Variants in SLCO1A2 observed in about 807,000 individuals in gnomAD.
SLCO1A2 encodes the protein OATP-1.
SLCO1A2 carries 67 observed loss-of-function variants against 69.0 expected under a neutral mutation model. That is an observed-to-expected ratio of 0.97 (90% confidence interval 0.80 to 1.19). SLCO1A2 has a LOEUF of 1.19. Ranked by LOEUF, SLCO1A2 falls within the 50% of genes most tolerant of loss-of-function variation. The pLI is 0.00. For synonymous variants in SLCO1A2, 260 were observed against 265.9 expected (o/e 0.98, Z 0.22); for missense variants, 787 against 793.7 (o/e 0.99, Z 0.10).
At chr12:21,398,781 T>G (rs1941574862), upstream of SLCO1A2, among the ~76,000 whole-genome samples, 1 of 149,984 alleles carries the variant, frequency 6.7e-6, no homozygotes. Context: ...AACCACATGA[T>G]TATCTCAATA....
intron 12 of SLCO1A2, among the ~76,000 whole-genome samples, chr12:21,283,444 A>G (rs1434218945): frequency 6.6e-6 from 1 of 152,176 alleles, no homozygotes; most frequent in Non-Finnish European, 1.5e-5. Flanking sequence ...ACTTAAATCT[A>G]AGACCTCCAA....
At chr12:21,295,065 T>C (rs1947497260) in intron 10 of SLCO1A2, 1 of 152,150 alleles carries the variant, frequency 6.6e-6, no homozygotes, top group Admixed American at 6.6e-5. Flanking sequence ...CCAGATAACC[T>C]TTAAAATACA....
At chr12:21,306,465 A>G (rs1043350889) in intron 5 of SLCO1A2, among the ~76,000 whole-genome samples, 11 of 152,038 alleles carry the variant, frequency 7.2e-5, no homozygotes, top group African/African-American at 2.7e-4. Context: ...AGCTGGGATT[A>G]CAGGTGCCCG....
intron 8 of SLCO1A2, among the ~76,000 whole-genome samples, chr12:21,299,772 ATATATATATAT>A (rs1419309693): frequency 1.1e-5 from 1 of 91,328 alleles, no homozygotes; most frequent in African/African-American, 5.3e-5. Context: ...ATACGTGTGT[ATATATATATAT>A]ATATATACAC....
At position 21,318,921 on chromosome 12, in the gene SLCO1A2, C is replaced by T. The variant is rs368242064; in HGVS notation, c.63G>A (p.Met21Ile). The T allele has an allele frequency of 2.2e-5, 34 of 1,572,902 alleles. 1 individual carries two copies. In the East Asian group the frequency reaches 2.3e-4, roughly 10 times the overall value. ...HRIRCLSKLK[M>I]FLLAITCAFV... ...ATGCACATGTTATTGCCAACAGAAACATCTAGGAAAAAAATATAAGAAAAC... is the reference window on the plus strand; with the variant it reads ...ATGCACATGTTATTGCCAACAGAAATATCTAGGAAAAAAATATAAGAAAAC... The change falls in exon 3 of 15, where the codon ATG (methionine) becomes ATA (isoleucine). Residue 21 changes from methionine (M) to isoleucine (I), a missense_variant and splice_region_variant. By Grantham distance (10) the Met-to-Ile change is conservative. Coordinates refer to ENST00000683939, the MANE Select transcript of SLCO1A2 (RefSeq NM_001386879.1).
chr12:21,301,174 T>A lies in SLCO1A2; in HGVS notation c.685A>T (p.Thr229Ser), dbSNP rs763963582. 1 of 1,605,510 alleles carries A rather than the reference T, an allele frequency of 6.2e-7. No individual in the cohort carries two copies. The highest frequency in any genetic ancestry group is 1.1e-5 in the South Asian group (1 of 90,714). ...CAAATAGATTTTATTGAATTACCTG[T>A]GTTCACAAATCCAGTGTCAACATAA... is the stretch of plus-strand genomic sequence containing the variant. ...NVYVDTGFVN[T>S]DDLIITPTDT... Residue 229 changes from threonine to serine, a missense_variant, in exon 7 of 15, where the codon ACA (threonine) becomes TCA (serine). By Grantham distance (58) the Thr-to-Ser change is moderately conservative. Coordinates refer to ENST00000683939, the MANE Select transcript of SLCO1A2 (RefSeq NM_001386879.1).
chr12:21,305,108 G>C (rs1048589939), intron 5 of SLCO1A2, among the ~76,000 whole-genome samples: 1 of 152,142 alleles, frequency 6.6e-6, no homozygotes, highest in African/African-American at 2.4e-5. Flanking sequence ...ATATTTAATT[G>C]GGTAATCATC....
At chr12:21,372,517 G>C (rs180959982) in intron 2 of SLCO1A2, among the ~76,000 whole-genome samples, 111 of 152,188 alleles carry the variant, frequency 7.3e-4, no homozygotes, top group African/African-American at 2.6e-3. Flanking sequence ...CAGCCATTGA[G>C]GTCACTTGGG....
At chr12:21,272,225 GAT>G (rs1445239431) in intron 14 of SLCO1A2, among the ~76,000 whole-genome samples, 10 of 151,572 alleles carry the variant, frequency 6.6e-5, no homozygotes, top group African/African-American at 2.4e-4. Flanking sequence ...TGTAGAAATA[GAT>G]ATAGATGTAT....
intron 12 of SLCO1A2, among the ~76,000 whole-genome samples, chr12:21,289,176 G>T (rs1266149658): frequency 7.2e-6 from 1 of 139,028 alleles, no homozygotes; most frequent in East Asian, 2.2e-4. Context: ...GATGGTAATG[G>T]TACCATTCTG....
At chr12:21,314,466 C>A (rs1180200348) in intron 4 of SLCO1A2, 83 bp downstream of exon 4, 6 of 1,445,590 alleles carry the variant, frequency 4.2e-6, no homozygotes, top group South Asian at 1.2e-5. Context: ...TGTTGGAAAG[C>A]ATTGCTCCTA....
intron 2 of SLCO1A2, among the ~76,000 whole-genome samples, chr12:21,346,515 T>C (rs1198404893): frequency 2.0e-5 from 3 of 151,608 alleles, no homozygotes; most frequent in South Asian, 2.1e-4. Context: ...TTAGAAGATA[T>C]GTTAGCAAAA....
rs1948541612 is a variant in SLCO1A2, at chr12:21,300,288, C to T, written c.910+60G>A. 1.7e-5 allele frequency: 21 copies of T among 1,225,880 alleles called. No homozygotes were observed. In the South Asian group the frequency reaches 3.0e-4, roughly 18 times the overall value. The allele number at this position is 1,225,880 out of a possible 1,614,324, so 75.9% of individuals were successfully genotyped here. On this transcript the variant is annotated intron_variant, in intron 8 of 14. Coordinates refer to ENST00000683939, the MANE Select transcript of SLCO1A2 (RefSeq NM_001386879.1). ...CATATCATAGTGTTAGACTAAAATA[C>T]AGACATATCTATATGAAATAAAAGG... is the stretch of plus-strand genomic sequence containing the variant.
At chr12:21,351,072 T>C (rs781035514) in intron 2 of SLCO1A2, among the ~76,000 whole-genome samples, 5 of 152,146 alleles carry the variant, frequency 3.3e-5, no homozygotes, top group African/African-American at 4.8e-5. Context: ...TGTCAGTCTC[T>C]AAAGCCCTGG....
At chr12:21,384,769 CTTT>C (rs762328144) in intron 1 of SLCO1A2, among the ~76,000 whole-genome samples, 5 of 131,004 alleles carry the variant, frequency 3.8e-5, no homozygotes, top group Non-Finnish European at 3.4e-5. Context: ...GTTTTTTTTT[CTTT>C]TTTTTTTTTT....
At chr12:21,391,559 C>T (rs1407596506) in intron 1 of SLCO1A2, among the ~76,000 whole-genome samples, 1 of 152,126 alleles carries the variant, frequency 6.6e-6, no homozygotes, top group African/African-American at 2.4e-5. Flanking sequence ...GGAATATTTA[C>T]ATTTGAAAAG....
At chr12:21,386,035 G>A (rs1035382541) in intron 1 of SLCO1A2, among the ~76,000 whole-genome samples, 2 of 152,160 alleles carry the variant, frequency 1.3e-5, no homozygotes, top group Non-Finnish European at 2.9e-5. Flanking sequence ...GCTATGCCAA[G>A]AGATATTGTC....
Position 21,269,431 on chromosome 12 carries a change from G to GT in SLCO1A2, c.*116dup, listed in dbSNP as rs1480815368. On this transcript the variant is annotated 3_prime_UTR_variant, in exon 15 of 15. Transcript: ENST00000683939. ...ACATTTTATTATTTTGAGTTAAGAGGTTTTTTAGGTTCTTAAAGACAAGAA... is the reference window on the plus strand; with the variant it reads ...ACATTTTATTATTTTGAGTTAAGAGGTTTTTTTAGGTTCTTAAAGACAAGAA... 2 of 654,694 alleles carry GT rather than the reference G, an allele frequency of 3.1e-6. No individual in the cohort carries two copies. The highest frequency in any genetic ancestry group is 4.4e-4 in the Middle Eastern group (1 of 2,290). The allele number at this position is 654,694 out of a possible 1,614,324, so 40.6% of individuals were successfully genotyped here. A position where few individuals can be genotyped will look rare whatever the true frequency, so the allele number is the denominator to read the frequency against.
At chr12:21,362,437 G>A (rs1215784219) in intron 2 of SLCO1A2, among the ~76,000 whole-genome samples, 1 of 152,166 alleles carries the variant, frequency 6.6e-6, no homozygotes, top group Admixed American at 6.5e-5. Flanking sequence ...ACGAGCCACT[G>A]CAAAAACATG....
Sources: allele counts gnomAD v4.1 joint callset (sites outside exome capture counted in the v4.1 genomes callset), GRCh38; gene constraint gnomAD v4.1.1; transcripts MANE v1.5; gene names NCBI Gene and HGNC (gene_info 2026-07-23, HGNC 2026-07-21).